Variants in PGM1 observed in about 807,000 individuals in gnomAD.
PGM1 encodes phosphoglucomutase 1.
Under a neutral mutation model 55.6 loss-of-function variants are expected in PGM1, and 52 were observed. The observed-to-expected ratio is 0.94, with a 90% CI of 0.75 to 1.18. The LOEUF is 1.18. Among genes scored for constraint, PGM1 ranks in the 50% most tolerant of loss-of-function variants. The pLI is 0.00. For missense variants in PGM1, 724 were observed against 729.3 expected (o/e 0.99, Z 0.08); for synonymous variants, 287 against 271.7 (o/e 1.06, Z -0.55).
chr1:63,634,852 A>T lies in PGM1; in HGVS notation c.706A>T (p.Ile236Phe), dbSNP rs759145714. ...HGVVGPYVKK[I>F]LCEELGAPAN... ...AGTTGTGGGACCGTATGTAAAGAAGATCCTCTGTGAAGAACTCGGTGCCCC... is the reference window on the plus strand; with the variant it reads ...AGTTGTGGGACCGTATGTAAAGAAGTTCCTCTGTGAAGAACTCGGTGCCCC... The change falls in exon 5 of 11, where the codon ATC (isoleucine) becomes TTC (phenylalanine). Residue 236 changes from isoleucine (I) to phenylalanine (F), a missense_variant. This residue lies in a region of PGM1 where 379 missense variants were observed against 357.5 expected (regional missense o/e 1.06). Transcript: ENST00000371084. The T allele has an allele frequency of 6.2e-7, 1 of 1,613,454 alleles. No homozygotes were observed.
At chr1:63,651,260 G>A (rs2101000658) in intron 8 of PGM1, 1 of 204,938 alleles carries the variant, frequency 4.9e-6, no homozygotes, top group East Asian at 1.2e-4. Context: ...AGAAGCCCAG[G>A]GAGCTTGGAG....
At chr1:63,603,333 G>A (rs1480268887) in intron 1 of PGM1, among the ~76,000 whole-genome samples, 7 of 152,198 alleles carry the variant, frequency 4.6e-5, no homozygotes, top group African/African-American at 1.7e-4. Flanking sequence ...AGTGGCTGAG[G>A]ATAATGCTAA....
chr1:63,651,032 C>A (rs1026098834), intron 8 of PGM1, among the ~76,000 whole-genome samples: 5 of 152,042 alleles, frequency 3.3e-5, no homozygotes, highest in African/African-American at 1.2e-4. Context: ...ATATAACAAA[C>A]CTGCACGTTC....
At chr1:63,626,615 AAAG>A (rs1570490728) in intron 1 of PGM1, among the ~76,000 whole-genome samples, 1 of 96,476 alleles carries the variant, frequency 1.0e-5, no homozygotes, top group East Asian at 2.9e-4. Flanking sequence ...TGAGAAAAAA[AAAG>A]AAAAAAAAAA....
chr1:63,593,432 G>C lies in PGM1; in HGVS notation c.-57G>C. ...CCCCAGAGCAGCTGCAGCCTCAGCCGGCCGCCCCTCCGCCAGCCAAGTCCG... is the reference window on the plus strand; with the variant it reads ...CCCCAGAGCAGCTGCAGCCTCAGCCCGCCGCCCCTCCGCCAGCCAAGTCCG... On this transcript the variant is annotated 5_prime_UTR_variant, in exon 1 of 11. Coordinates refer to ENST00000371084, the MANE Select transcript of PGM1 (RefSeq NM_002633.3). 1 of 1,609,842 alleles carries C rather than the reference G, an allele frequency of 6.2e-7. No homozygotes were observed. The highest frequency in any genetic ancestry group is 1.7e-5 in the Admixed American group (1 of 59,716).
chr1:63,637,523 C>T (rs1162983243), intron 6 of PGM1, among the ~76,000 whole-genome samples: 1 of 152,172 alleles, frequency 6.6e-6, no homozygotes, highest in Non-Finnish European at 1.5e-5. Context: ...TGTTTTTTTA[C>T]ATTCACCATC....
chr1:63,594,083 T>G, intron 1 of PGM1: 4 of 1,045,022 alleles, frequency 3.8e-6, no homozygotes, highest in Non-Finnish European at 4.6e-6. Flanking sequence ...ACATTTGCCC[T>G]AACCTTGCAG....
At position 63,636,361 on chromosome 1, in the gene PGM1, G is replaced by A; in HGVS notation, c.1001G>A (p.Ser334Asn). The change falls in exon 6 of 11, where the codon AGC (serine) becomes AAC (asparagine). Residue 334 changes from serine (S) to asparagine (N), a missense_variant. This residue lies in a region of PGM1 where 316 missense variants were observed against 313.1 expected (regional missense o/e 1.01). Coordinates refer to ENST00000371084, the MANE Select transcript of PGM1 (RefSeq NM_002633.3). ...ACTGGGGTCCGCGGCTTTGCACGGAGCATGCCCACGAGTGGTGCTCTGGAC... is the reference window on the plus strand; with the variant it reads ...ACTGGGGTCCGCGGCTTTGCACGGAACATGCCCACGAGTGGTGCTCTGGAC... ...QQTGVRGFAR[S>N]MPTSGALDRV... is the part of the protein sequence containing the mutation. The A allele has an allele frequency of 6.2e-7, 1 of 1,614,138 alleles. No homozygotes were observed. Among genetic ancestry groups the A allele is most frequent in the Non-Finnish European group, 8.5e-7 (1 of 1,180,014 alleles).
At chr1:63,620,943 A>G (rs1192219999) in intron 1 of PGM1, among the ~76,000 whole-genome samples, 3 of 152,200 alleles carry the variant, frequency 2.0e-5, no homozygotes, top group Non-Finnish European at 2.9e-5. Flanking sequence ...CTGGAGAGCT[A>G]AAACAAATGA....
intron 1 of PGM1, among the ~76,000 whole-genome samples, chr1:63,616,986 C>G (rs1489878141): frequency 2.6e-5 from 4 of 152,222 alleles, no homozygotes; most frequent in African/African-American, 9.6e-5. Flanking sequence ...TTGCAAAGCA[C>G]TAGAACCAGC....
chr1:63,613,445 G>A (rs1317842889), intron 1 of PGM1, among the ~76,000 whole-genome samples: 1 of 151,848 alleles, frequency 6.6e-6, no homozygotes, highest in Non-Finnish European at 1.5e-5. Flanking sequence ...CTCTTTCCTT[G>A]CCTCTTCCTA....
At chr1:63,611,622 A>T (rs908014251) in intron 1 of PGM1, among the ~76,000 whole-genome samples, 1 of 152,114 alleles carries the variant, frequency 6.6e-6, no homozygotes, top group Non-Finnish European at 1.5e-5. Flanking sequence ...AGCTATCTGT[A>T]GGCCGGGCGC....
In PGM1 at chr1:63,623,558, A is replaced by G. The variant is rs369465119; in HGVS notation, c.247-5867A>G. 18 of 1,612,756 alleles carry G rather than the reference A, an allele frequency of 1.1e-5. No individual in the cohort carries two copies. The African/African-American group carries it at 2.1e-4, about 19-fold the overall frequency. ...TTTGCTACAGCTCCCTACCACGATC[A>G]GAAACCAGGAACAAGTGGATTACGG... On this transcript the variant is annotated intron_variant, in intron 1 of 10. Coordinates refer to ENST00000371084, the MANE Select transcript of PGM1 (RefSeq NM_002633.3).
rs1647921964 is a variant in PGM1, at chr1:63,593,434, C to A, written c.-55C>A. ...CCAGAGCAGCTGCAGCCTCAGCCGG[C>A]CGCCCCTCCGCCAGCCAAGTCCGCC... is the stretch of plus-strand genomic sequence containing the variant. On this transcript the variant is annotated 5_prime_UTR_variant, in exon 1 of 11. Transcript: ENST00000371084. The A allele has an allele frequency of 6.2e-7, 1 of 1,609,990 alleles. No homozygotes were observed. Among genetic ancestry groups the A allele is most frequent in the Non-Finnish European group, 8.5e-7 (1 of 1,178,504 alleles).
chr1:63,593,808 C>T lies in PGM1; in HGVS notation c.246+74C>T, dbSNP rs897538619. The T allele has an allele frequency of 5.7e-6, 8 of 1,415,868 alleles. No homozygotes were observed. The African/African-American group carries it at 1.2e-4, about 21-fold the overall frequency. 87.7% of individuals were successfully genotyped at this position (1,415,868 alleles called of 1,614,324 possible). ...ACGTGCGGCCCGCGGCGCCCTCCCTCGCTCGGGGCCGGCCGCTTCCGCGCG... is the reference window on the plus strand; with the variant it reads ...ACGTGCGGCCCGCGGCGCCCTCCCTTGCTCGGGGCCGGCCGCTTCCGCGCG... On this transcript the variant is annotated intron_variant, in intron 1 of 10. Transcript: ENST00000371084.
At chr1:63,615,544 CTTCTTCTTTTTTTTTTTT>C (rs1164470943) in intron 1 of PGM1, among the ~76,000 whole-genome samples, 2 of 110,662 alleles carry the variant, frequency 1.8e-5, no homozygotes, top group African/African-American at 8.0e-5. Context: ...TCCTCTTCTT[CTTCTTCTTTTTTTTTTTT>C]TTTTTTTTTT....
At position 63,618,548 on chromosome 1, in the gene PGM1, T is replaced by C. The variant is rs188142819; in HGVS notation, c.247-10877T>C. On this transcript the variant is annotated intron_variant, in intron 1 of 10. Transcript: ENST00000371084. ...AGTTTTCCCCCCCTTACTCCAAAAA[T>C]ATTAATACTATGTTCATTTTATTAT... 3.4e-3 allele frequency among the ~76,000 whole-genome samples: 512 copies of C among 152,292 alleles called. 2 individuals are homozygous for C. The highest frequency in any genetic ancestry group is 0.011 in the African/African-American group (465 of 41,554).
At chr1:63,614,361 A>G (rs1241816550) in intron 1 of PGM1, among the ~76,000 whole-genome samples, 1 of 152,162 alleles carries the variant, frequency 6.6e-6, no homozygotes, top group African/African-American at 2.4e-5. Context: ...CTTTTTAAGG[A>G]AAGTCCAACT....
chr1:63,629,541 G>T lies in PGM1; in HGVS notation c.363G>T (p.Gly121=). The T allele has an allele frequency of 1.2e-6, 2 of 1,613,904 alleles. No individual in the cohort carries two copies. The highest frequency in any genetic ancestry group is 1.1e-5 in the South Asian group (1 of 91,070). The change falls in exon 2 of 11, where the codon GGG becomes GGT. Residue 121 remains glycine (G), a synonymous_variant. Coordinates refer to ENST00000371084, the MANE Select transcript of PGM1 (RefSeq NM_002633.3). ...TTCTGACAGCCAGTCACAACCCAGG[G>T]GGCCCCAATGGAGATTTTGGAATCA... ...GIILTASHNP[G]GPNGDFGIKF...
Sources: gnomAD v4.1 joint callset for allele counts (sites outside exome capture counted in the v4.1 genomes callset) on GRCh38, gnomAD v4.1.1 for gene constraint, gnomAD v4.1.1 regional missense constraint, MANE v1.5 for transcripts, NCBI Gene and HGNC (gene_info 2026-07-23, HGNC 2026-07-21) for gene names.